IL18R1: variants seen among roughly 807,000 people sequenced by gnomAD.
IL18R1 encodes interleukin 18 receptor 1.
In IL18R1, 40 loss-of-function variants were observed where a neutral mutation model predicts 48.5. The observed-to-expected ratio is 0.82, with a 90% CI of 0.64 to 1.07. IL18R1 has a LOEUF of 1.07. IL18R1 is among the 50% of genes least tolerant of loss of function. IL18R1 has a pLI of 0.00. For synonymous variants in IL18R1, 232 were observed against 225.9 expected (o/e 1.03, Z -0.24); for missense variants, 596 against 633.7 (o/e 0.94, Z 0.64).
At chr2:102,358,865 A>G (rs1463011722) in intron 1 of IL18R1, among the ~76,000 whole-genome samples, 2 of 152,230 alleles carry the variant, frequency 1.3e-5, no homozygotes, top group Non-Finnish European at 2.9e-5. Flanking sequence ...ACCTAGATTC[A>G]AAATTATGTA....
chr2:102,371,768 G>A (rs891539107), intron 3 of IL18R1, among the ~76,000 whole-genome samples, 185 bp from the exon 4 acceptor site: 9 of 152,170 alleles, frequency 5.9e-5, no homozygotes, highest in Non-Finnish European at 8.8e-5. Context: ...CTGCTCCCAT[G>A]ACAGTTTTTA....
chr2:102,364,104 C>A (rs895217597), intron 2 of IL18R1, among the ~76,000 whole-genome samples: 1 of 152,194 alleles, frequency 6.6e-6, no homozygotes, highest in African/African-American at 2.4e-5. Context: ...CAACCTCCCA[C>A]CTCTGGAGAG....
At chr2:102,373,064 A>G in intron 4 of IL18R1, among the ~76,000 whole-genome samples, 1 of 152,214 alleles carries the variant, frequency 6.6e-6, no homozygotes, top group East Asian at 1.9e-4. Context: ...TGGTCCCAGA[A>G]TGTTTAAAAT....
intron 9 of IL18R1, among the ~76,000 whole-genome samples, chr2:102,390,823 C>G (rs888135245): frequency 2.0e-5 from 3 of 150,438 alleles, no homozygotes; most frequent in Non-Finnish European, 2.9e-5. Flanking sequence ...GTCCCAGCTA[C>G]TCGGGAGGCT....
intron 2 of IL18R1, among the ~76,000 whole-genome samples, chr2:102,365,039 CA>C (rs1342305067): frequency 1.3e-5 from 2 of 152,128 alleles, no homozygotes; most frequent in African/African-American, 2.4e-5. Context: ...ATAGCCAAAT[CA>C]TATCATTCCA....
At chr2:102,383,489 T>A (rs573632506) in intron 6 of IL18R1, among the ~76,000 whole-genome samples, 7 of 152,336 alleles carry the variant, frequency 4.6e-5, no homozygotes, top group African/African-American at 1.7e-4. Context: ...CACGGATTTA[T>A]GCTCGTTGAA....
intron 4 of IL18R1, among the ~76,000 whole-genome samples, chr2:102,373,192 G>A (rs374896584): frequency 3.3e-5 from 5 of 152,178 alleles, no homozygotes; most frequent in South Asian, 2.1e-4. Flanking sequence ...TGGGTTGCCT[G>A]TTTATTTTTT....
chr2:102,375,795 T>C, intron 4 of IL18R1, 112 bp from the exon 5 acceptor site: 2 of 673,558 alleles, frequency 3.0e-6, no homozygotes, highest in South Asian at 3.0e-5. Flanking sequence ...GAATTGCTAC[T>C]TTCCATTCTT....
intron 5 of IL18R1, among the ~76,000 whole-genome samples, chr2:102,377,131 T>C (rs767075088): frequency 1.2e-4 from 19 of 152,176 alleles, no homozygotes; most frequent in Admixed American, 1.3e-4. Context: ...GGGCTCACAT[T>C]TGCTACAGCC....
intron 9 of IL18R1, among the ~76,000 whole-genome samples, chr2:102,391,961 A>G (rs550833580): frequency 6.6e-5 from 10 of 152,126 alleles, no homozygotes; most frequent in Non-Finnish European, 1.2e-4. Context: ...AGGTTAGCTT[A>G]TTATCTATAA....
chr2:102,378,515 C>T (rs1679729059), intron 5 of IL18R1, among the ~76,000 whole-genome samples: 1 of 152,226 alleles, frequency 6.6e-6, no homozygotes, highest in Non-Finnish European at 1.5e-5. Context: ...TTCTTGTCTT[C>T]TTGGAGAATG....
chr2:102,385,189 C>T (rs1282678715), intron 7 of IL18R1, among the ~76,000 whole-genome samples, 191 bp downstream of exon 7: 1 of 151,958 alleles, frequency 6.6e-6, no homozygotes, highest in African/African-American at 2.4e-5. Context: ...AAATGTATTG[C>T]CAAGATCTAA....
intron 2 of IL18R1, among the ~76,000 whole-genome samples, chr2:102,367,162 A>G (rs1487788103): frequency 6.6e-6 from 1 of 152,236 alleles, no homozygotes; most frequent in African/African-American, 2.4e-5. Context: ...TTCCAAAGCC[A>G]GAGAATCTGG....
chr2:102,361,523 A>T (rs1056976139), intron 1 of IL18R1, among the ~76,000 whole-genome samples: 4 of 152,238 alleles, frequency 2.6e-5, no homozygotes, highest in Admixed American at 2.0e-4. Context: ...AGAAGCTGCC[A>T]TGCACTCAGG....
At chr2:102,363,120 G>A (rs1025307503) in intron 2 of IL18R1, among the ~76,000 whole-genome samples, 1 of 151,752 alleles carries the variant, frequency 6.6e-6, no homozygotes, top group African/African-American at 2.4e-5. Flanking sequence ...AAAGAGACTG[G>A]CTAGACCAAG....
chr2:102,373,706 G>A (rs11465610), intron 4 of IL18R1, among the ~76,000 whole-genome samples: 1,870 of 152,038 alleles, frequency 0.012, 38 homozygotes, highest in African/African-American at 0.042. Context: ...AAAAACATAC[G>A]CACTCCCATC....
chr2:102,397,254 C>T lies in IL18R1; in HGVS notation c.*368C>T, dbSNP rs1412358590. 1 of 178,528 alleles carries T rather than the reference C, an allele frequency of 5.6e-6. No individual in the cohort carries two copies. Among genetic ancestry groups the T allele is most frequent in the African/African-American group, 2.4e-5 (1 of 42,154 alleles). The allele number at this position is 178,528 out of a possible 1,614,324, so 11.1% of individuals were successfully genotyped here. Reference sequence around the variant, plus strand: ...ATCTTTAAGAGTTTTAATGCCAGTGCTTAATTCGAATGAGGGGATTTTAAG... The same window carrying T: ...ATCTTTAAGAGTTTTAATGCCAGTGTTTAATTCGAATGAGGGGATTTTAAG... On this transcript the variant is annotated 3_prime_UTR_variant, in exon 11 of 11. Transcript: ENST00000233957.
Position 102,372,097 on chromosome 2 carries a change from C to A in IL18R1, c.447C>A (p.Val149=). The part of the protein sequence containing the change: ...TCENSYYQTL[V]NSTSLYKNCK... ...AAAACAGTTACTATCAAACACTGGT[C>A]AACAGCACATCATTGTATAAGGTAA... The change falls in exon 4 of 11, where the codon GTC becomes GTA. Residue 149 remains valine (V), a synonymous_variant. Coordinates refer to ENST00000233957, the MANE Select transcript of IL18R1 (RefSeq NM_003855.5). 5 of 1,600,564 alleles carry A rather than the reference C, an allele frequency of 3.1e-6. No homozygotes were observed. The highest frequency in any genetic ancestry group is 4.2e-6 in the Non-Finnish European group (5 of 1,176,472).
intron 6 of IL18R1, among the ~76,000 whole-genome samples, chr2:102,383,404 T>C (rs768189711): frequency 2.0e-5 from 3 of 152,242 alleles, no homozygotes; most frequent in Admixed American, 6.5e-5. Context: ...CCAGCTATTA[T>C]GGTCAATGTG....
Sources: allele counts gnomAD v4.1 joint callset (sites outside exome capture counted in the v4.1 genomes callset), GRCh38; gene constraint gnomAD v4.1.1; transcripts MANE v1.5; gene names NCBI Gene and HGNC (gene_info 2026-07-23, HGNC 2026-07-21).